The following PRKN variants were observed in gnomAD, a reference collection of about 807,000 sequenced individuals.
PRKN encodes E3 ubiquitin-protein ligase parkin.
PRKN carries 56 observed loss-of-function variants against 59.5 expected under a neutral mutation model. The ratio of observed to expected loss-of-function variants is 0.94; its 90% CI spans 0.76 to 1.18. PRKN has a LOEUF of 1.18. PRKN is among the 50% of genes most tolerant of loss of function. The pLI, the probability that PRKN is intolerant of heterozygous loss-of-function variation, is 0.00. For missense variants in PRKN, 657 were observed against 596.4 expected (o/e 1.10, Z -1.06); for synonymous variants, 250 against 222.1 (o/e 1.13, Z -1.12).
At chr6:162,357,982 C>T (rs541485468) in intron 2 of PRKN, among the ~76,000 whole-genome samples, 4 of 152,150 alleles carry the variant, frequency 2.6e-5, no homozygotes, top group East Asian at 1.9e-4. Flanking sequence ...GACGTTATAA[C>T]GGTGGATACA....
chr6:162,471,752 AT>A (rs367709141), intron 1 of PRKN, among the ~76,000 whole-genome samples: 20 of 152,336 alleles, frequency 1.3e-4, no homozygotes, highest in Admixed American at 4.6e-4. Context: ...ATCTATGCAT[AT>A]GTACTAATAC....
chr6:161,477,581 C>A (rs998798828), intron 9 of PRKN, among the ~76,000 whole-genome samples: 1 of 151,656 alleles, frequency 6.6e-6, no homozygotes, highest in Non-Finnish European at 1.5e-5. Flanking sequence ...ATGAAGATGG[C>A]CTTTCTTAAT....
chr6:162,340,009 G>C lies in PRKN; in HGVS notation c.172-77244C>G, dbSNP rs577626147. On this transcript the variant is annotated intron_variant, in intron 2 of 11. Transcript: ENST00000366898. The stretch of plus-strand genomic sequence containing the variant: ...AGGGACACAAACACTGCGGAAGGCC[G>C]CAGGGTCCTCTGCCTAGGAAAACCA... Among the ~76,000 whole-genome samples the C allele has an allele frequency of 1.4e-4, 20 of 145,062 alleles. No individual in the cohort carries two copies. The South Asian group carries it at 2.9e-3, about 21-fold the overall frequency.
intron 4 of PRKN, among the ~76,000 whole-genome samples, chr6:162,176,844 A>G: frequency 6.6e-6 from 1 of 152,128 alleles, no homozygotes; most frequent in East Asian, 1.9e-4. Context: ...GAGCAGAGAG[A>G]AATGCTCAAT....
chr6:161,702,177 CTATAATAG>C (rs1786279733), intron 7 of PRKN, among the ~76,000 whole-genome samples: 1 of 151,986 alleles, frequency 6.6e-6, no homozygotes, highest in Non-Finnish European at 1.5e-5. Context: ...AGATTAGGTT[CTATAATAG>C]TAAAAATGCC....
At chr6:162,619,069 G>C (rs1043276311) in intron 1 of PRKN, among the ~76,000 whole-genome samples, 1 of 151,862 alleles carries the variant, frequency 6.6e-6, no homozygotes, top group African/African-American at 2.4e-5. Context: ...CAAAATGAAG[G>C]TGAAACTCTT....
chr6:162,551,552 G>T (rs946301002), intron 1 of PRKN, among the ~76,000 whole-genome samples: 3 of 151,876 alleles, frequency 2.0e-5, no homozygotes, highest in Non-Finnish European at 2.9e-5. Context: ...TTTTCTTTTG[G>T]ATATGCCGTT....
intron 1 of PRKN, among the ~76,000 whole-genome samples, chr6:162,620,444 T>C (rs1230713825): frequency 3.9e-5 from 6 of 152,204 alleles, no homozygotes; most frequent in Admixed American, 1.3e-4. Flanking sequence ...ATAAGCAACA[T>C]TTCTAGCATT....
At chr6:161,580,467 A>AT (rs1424064264) in intron 7 of PRKN, among the ~76,000 whole-genome samples, 2 of 151,676 alleles carry the variant, frequency 1.3e-5, no homozygotes, top group Admixed American at 6.6e-5. Flanking sequence ...TTTATAGACA[A>AT]TTTTTTTGTT....
intron 1 of PRKN, among the ~76,000 whole-genome samples, chr6:162,488,027 CTTTT>C (rs752587530): frequency 1.8e-5 from 2 of 109,768 alleles, no homozygotes; most frequent in Admixed American, 1.1e-4. Flanking sequence ...CACCATTTCC[CTTTT>C]TTTTTTTTTT....
At chr6:162,319,611 A>G (rs566735549) in intron 2 of PRKN, among the ~76,000 whole-genome samples, 5 of 152,118 alleles carry the variant, frequency 3.3e-5, no homozygotes, top group African/African-American at 9.6e-5. Context: ...ATCTCATTAA[A>G]TTGTCCTAAC....
intron 1 of PRKN, among the ~76,000 whole-genome samples, chr6:162,547,344 A>C (rs945394655): frequency 4.0e-5 from 6 of 151,746 alleles, no homozygotes; most frequent in African/African-American, 9.8e-5. Context: ...AAGATTTACT[A>C]AGTCTTGTTT....
rs924952261 is a variant in PRKN at position 161,348,489 on chromosome 6, G to A, written c.*1610C>T. On this transcript the variant is annotated 3_prime_UTR_variant, in exon 12 of 12. Coordinates refer to ENST00000366898, the MANE Select transcript of PRKN (RefSeq NM_004562.3). The surrounding 1 kb of genome is among the most constrained non-coding windows in gnomAD (Gnocchi z 4.9). ...GCTGATGTGGCTGCTGCAGAGCCCA[G>A]TCTCTCCCCGGTGCAGGGCCTCTGA... 1 of 215,524 alleles carries A rather than the reference G, an allele frequency of 4.6e-6. No homozygotes were observed. Among genetic ancestry groups the A allele is most frequent in the African/African-American group, 2.3e-5 (1 of 44,198 alleles). The allele number at this position is 215,524 out of a possible 1,614,324, so 13.4% of individuals were successfully genotyped here. A position where few individuals can be genotyped will look rare whatever the true frequency, so the allele number is the denominator to read the frequency against.
intron 4 of PRKN, among the ~76,000 whole-genome samples, chr6:162,055,673 C>A (rs13191078): frequency 0.36 from 54,475 of 151,988 alleles, 10,891 homozygotes; most frequent in Admixed American, 0.47. Context: ...CTGCCCAGTG[C>A]AAGGCAGAAG....
chr6:162,100,944 A>T (rs1294773112), intron 4 of PRKN, among the ~76,000 whole-genome samples: 1 of 151,988 alleles, frequency 6.6e-6, no homozygotes, highest in Non-Finnish European at 1.5e-5. Context: ...TTTTCTAACT[A>T]TTGAGTTTTT....
At chr6:161,665,244 A>G (rs904905801) in intron 7 of PRKN, among the ~76,000 whole-genome samples, 4 of 152,138 alleles carry the variant, frequency 2.6e-5, no homozygotes, top group African/African-American at 9.6e-5. Flanking sequence ...AATCTGGGAT[A>G]TGGCTATTTT....
chr6:161,990,194 GGT>G (rs1781591738), intron 5 of PRKN, among the ~76,000 whole-genome samples: 1 of 152,072 alleles, frequency 6.6e-6, no homozygotes, highest in Admixed American at 6.5e-5. Flanking sequence ...CAGCCCACTT[GGT>G]GTCCCTGTCC....
intron 6 of PRKN, among the ~76,000 whole-genome samples, chr6:161,962,540 CT>C (rs567987319): frequency 0.059 from 8,026 of 136,016 alleles, 473 homozygotes; most frequent in African/African-American, 0.18. Context: ...AATGTAGCAC[CT>C]TTTTTTTTTT....
At chr6:162,606,245 C>G (rs1781908325) in intron 1 of PRKN, among the ~76,000 whole-genome samples, 1 of 152,146 alleles carries the variant, frequency 6.6e-6, no homozygotes, top group African/African-American at 2.4e-5. Context: ...TTAAAATACC[C>G]TAAGTTGAAA....
Sources: gnomAD v4.1 joint callset for allele counts (sites outside exome capture counted in the v4.1 genomes callset) on GRCh38, gnomAD v4.1.1 for gene constraint, Gnocchi (gnomAD v3.1) non-coding constraint, MANE v1.5 for transcripts, NCBI Gene and HGNC (gene_info 2026-07-23, HGNC 2026-07-21) for gene names.